Variants in FLNC observed in about 807,000 individuals in gnomAD.
FLNC encodes filamin C.
Under a neutral mutation model 254.3 loss-of-function variants are expected in FLNC, and 91 were observed. The observed-to-expected ratio is 0.36, with a 90% CI of 0.30 to 0.43. The LOEUF is 0.43. Ranked by LOEUF, FLNC falls within the 20% of genes least tolerant of loss-of-function variation. The pLI is 1.00. For synonymous variants in FLNC, 1,430 were observed against 1,577.2 expected (o/e 0.91, Z 2.21); for missense variants, 2,853 against 3,802.6 (o/e 0.75, Z 6.57).
At chr7:128,850,170 G>T (rs890727454) in intron 31 of FLNC, 96 bp downstream of exon 31, 7 of 1,105,852 alleles carry the variant, frequency 6.3e-6, no homozygotes, top group Non-Finnish European at 9.3e-6. Context: ...ACATGGTCTG[G>T]GGGCCTCTTG....
Position 128,857,185 on chromosome 7 carries a change from T to C in FLNC, c.7629T>C (p.Asp2543=), listed in dbSNP as rs1451167404. 2 of 1,614,034 alleles carry C rather than the reference T, an allele frequency of 1.2e-6. No individual in the cohort carries two copies. Among genetic ancestry groups the C allele is most frequent in the East Asian group, 2.2e-5 (1 of 44,894 alleles). Residue 2543 remains aspartate, a synonymous_variant, in exon 46 of 48, where the codon GAT becomes GAC. Transcript: ENST00000325888. The surrounding 1 kb of genome is among the most constrained non-coding windows in gnomAD (Gnocchi z 4.5). ...AGSGALSVTI[D]GPSKVQLDCR... ...CGGGGGCCTTGTCTGTCACCATTGA[T>C]GGCCCCTCCAAGGTGCAGCTGGACT...
intron 23 of FLNC, 63 bp downstream of exon 23, chr7:128,846,526 G>C: frequency 6.3e-7 from 1 of 1,577,320 alleles, no homozygotes; most frequent in African/African-American, 1.3e-5. Context: ...GGCCCTCCTC[G>C]CTCATCCCTC....
rs1489721509 is a variant in FLNC, at chr7:128,847,733, A to G, written c.4325A>G (p.Asp1442Gly). The change falls in exon 25 of 48, where the codon GAC becomes GGC. Residue 1442 changes from aspartate to glycine, a missense_variant. Asp to Gly is a moderately conservative substitution (Grantham distance 94). Around this residue, in one of 10 missense-constraint regions of FLNC, gnomAD observed 1,573 missense variants for 1,883.5 expected, o/e 0.84. Coordinates refer to ENST00000325888, the MANE Select transcript of FLNC (RefSeq NM_001458.5). ...PFRVPVKDVV[D>G]PGKVKCSGPG... is the part of the protein sequence containing the mutation. ...CGCGTGCCAGTGAAGGATGTGGTGG[A>G]CCCTGGGAAGGTGAAGTGCTCAGGG... 2 of 1,614,052 alleles carry G rather than the reference A, an allele frequency of 1.2e-6. No homozygotes were observed. Among genetic ancestry groups the G allele is most frequent in the Admixed American group, 3.3e-5 (2 of 60,012 alleles).
chr7:128,856,975 G>A lies in FLNC; in HGVS notation c.7561+54G>A, dbSNP rs1243484014. Reference sequence around the variant, plus strand: ...GACTTCTGGGGGTGCTTGGCCACTAGTCTGGTGCTGCTTTGCTCCAGAGGT... The same window carrying A: ...GACTTCTGGGGGTGCTTGGCCACTAATCTGGTGCTGCTTTGCTCCAGAGGT... On this transcript the variant is annotated intron_variant, in intron 45 of 47. Transcript: ENST00000325888. This position sits in a 1 kb window ranked among gnomAD's most constrained non-coding sequence, Gnocchi z 5.9. 5.0e-6 allele frequency: 8 copies of A among 1,596,452 alleles called. No individual in the cohort carries two copies. Among genetic ancestry groups the A allele is most frequent in the Non-Finnish European group, 6.9e-6 (8 of 1,165,826 alleles).
intron 1 of FLNC, among the ~76,000 whole-genome samples, chr7:128,831,691 C>T (rs576450759): frequency 2.2e-4 from 34 of 152,326 alleles, no homozygotes; most frequent in African/African-American, 7.7e-4. Flanking sequence ...CCCCAGCCCA[C>T]CCCCTACCGC....
Position 128,858,226 on chromosome 7 carries a change from C to T in FLNC, c.7990+9C>T, listed in dbSNP as rs566679569. ...GGACTGCAGCAAAGCAGGCAGGTGGCGGGGGGAGGGCGTCTCCCGGGGTGT... is the reference window on the plus strand; with the variant it reads ...GGACTGCAGCAAAGCAGGCAGGTGGTGGGGGGAGGGCGTCTCCCGGGGTGT... On this transcript the variant is annotated intron_variant, in intron 47 of 47. Coordinates refer to ENST00000325888, the MANE Select transcript of FLNC (RefSeq NM_001458.5). The surrounding 1 kb of genome is among the most constrained non-coding windows in gnomAD (Gnocchi z 6.7). 3.9e-4 allele frequency: 548 copies of T among 1,413,094 alleles called. 1 individual carries two copies. Among genetic ancestry groups the T allele is most frequent in the Middle Eastern group, 2.1e-3 (10 of 4,872 alleles). The allele number at this position is 1,413,094 out of a possible 1,614,324, so 87.5% of individuals were successfully genotyped here. A position where few individuals can be genotyped will look rare whatever the true frequency, so the allele number is the denominator to read the frequency against.
intron 5 of FLNC, 80 bp downstream of exon 5, chr7:128,837,835 C>A: frequency 7.1e-7 from 1 of 1,412,178 alleles, no homozygotes; most frequent in South Asian, 1.2e-5. Flanking sequence ...AGGAATGGCC[C>A]GGAGGTGACT....
intron 1 of FLNC, among the ~76,000 whole-genome samples, chr7:128,834,105 A>G (rs899029906): frequency 2.6e-5 from 4 of 151,890 alleles, no homozygotes; most frequent in African/African-American, 9.7e-5. Flanking sequence ...GCTCCACTCC[A>G]CCCTCTCCCA....
intron 1 of FLNC, among the ~76,000 whole-genome samples, chr7:128,832,057 A>G (rs1049462991): frequency 4.6e-5 from 7 of 152,204 alleles, no homozygotes; most frequent in African/African-American, 1.4e-4. Flanking sequence ...GGCCCCACAC[A>G]GGATGTTCCC....
In FLNC at chr7:128,840,945, C is replaced by T; in HGVS notation, c.1788C>T (p.Ala596=). The T allele has an allele frequency of 1.2e-6, 2 of 1,604,162 alleles. No homozygotes were observed. Among genetic ancestry groups the T allele is most frequent in the South Asian group, 1.1e-5 (1 of 89,968 alleles). ...AGTCAGCCGATTTTGTGGTGGAAGCCATTGGCACCGAGGTGGGGACACTGG... is the reference window on the plus strand; with the variant it reads ...AGTCAGCCGATTTTGTGGTGGAAGCTATTGGCACCGAGGTGGGGACACTGG... ...VGKSADFVVE[A]IGTEVGTLGF... is the part of the protein sequence containing the mutation. The change falls in exon 11 of 48, where the codon GCC becomes GCT. Residue 596 remains alanine, a synonymous_variant. Coordinates refer to ENST00000325888, the MANE Select transcript of FLNC (RefSeq NM_001458.5).
chr7:128,853,911 G>T (rs1808934142), intron 39 of FLNC, 63 bp from the exon 40 acceptor site: 1 of 1,613,070 alleles, frequency 6.2e-7, no homozygotes, highest in Non-Finnish European at 8.5e-7. Flanking sequence ...CACCTGTCGG[G>T]CCTCCACCCT....
chr7:128,856,581 G>A lies in FLNC; in HGVS notation c.7315G>A (p.Val2439Met), dbSNP rs752667511. 1.2e-5 allele frequency: 20 copies of A among 1,612,644 alleles called. No homozygotes were observed. The highest frequency in any genetic ancestry group is 1.1e-5 in the South Asian group (1 of 91,088). The change falls in exon 44 of 48, where the codon GTG (valine) becomes ATG (methionine). Residue 2439 changes from valine (V) to methionine (M), a missense_variant. By Grantham distance (21) the Val-to-Met change is conservative. Coordinates refer to ENST00000325888, the MANE Select transcript of FLNC (RefSeq NM_001458.5). The surrounding 1 kb of genome is among the most constrained non-coding windows in gnomAD (Gnocchi z 5.9). ...CGTGCAGCTGAACGGTGCCCGGGGC[G>A]TGATTGATGCCCGGGTGCACACACC... ...FAVQLNGARG[V>M]IDARVHTPSG...
rs376413798 is a variant in FLNC at position 128,851,614 on chromosome 7, C to T, written c.5828C>T (p.Thr1943Ile). The change falls in exon 35 of 48, where the codon ACA becomes ATA. Residue 1943 changes from threonine (T) to isoleucine (I), a missense_variant. By Grantham distance (89) the Thr-to-Ile change is moderately conservative (BLOSUM62 -1). Coordinates refer to ENST00000325888, the MANE Select transcript of FLNC (RefSeq NM_001458.5). ...DDKHIPGSPFTAKITGDDSMR... is the reference protein window; with the variant it reads ...DDKHIPGSPFIAKITGDDSMR... ...AAGCACATCCCGGGGAGCCCCTTCACAGCCAAGATCACAGGTGAGGCGGGT... is the reference window on the plus strand; with the variant it reads ...AAGCACATCCCGGGGAGCCCCTTCATAGCCAAGATCACAGGTGAGGCGGGT... 3.9e-5 allele frequency: 63 copies of T among 1,613,804 alleles called. No homozygotes were observed. The highest frequency in any genetic ancestry group is 4.9e-5 in the Non-Finnish European group (58 of 1,180,038).
Position 128,841,048 on chromosome 7 carries a change from C to A in FLNC, c.1813+78C>A. On this transcript the variant is annotated intron_variant, in intron 11 of 47. Transcript: ENST00000325888. This position sits in a 1 kb window ranked among gnomAD's most constrained non-coding sequence, Gnocchi z 4.3. ...GACACTGTGGGTAATGGGTGCAGTG[C>A]GCATGCTGGGGAGCGCTGGGGTGAG... The A allele has an allele frequency of 6.4e-7, 1 of 1,562,768 alleles. No homozygotes were observed. The highest frequency in any genetic ancestry group is 2.3e-5 in the East Asian group (1 of 43,254).
chr7:128,840,413 G>C lies in FLNC; in HGVS notation c.1550-135G>C, dbSNP rs190302391. 463 of 1,189,798 alleles carry C rather than the reference G, an allele frequency of 3.9e-4. 4 individuals carry two copies. The African/African-American group carries it at 5.9e-3, about 15-fold the overall frequency. 73.7% of individuals were successfully genotyped at this position (1,189,798 alleles called of 1,614,324 possible). On this transcript the variant is annotated intron_variant, in intron 9 of 47. Transcript: ENST00000325888. ...AGGGATGACAAGTGTTCCCTGCCCT[G>C]AGTTGCAGCACTGCTCACTACAGCA...
chr7:128,847,698 G>T lies in FLNC; in HGVS notation c.4290G>T (p.Gly1430=). Residue 1430 remains glycine (G), a splice_region_variant and synonymous_variant, in exon 25 of 48, where the codon GGG becomes GGT. Transcript: ENST00000325888. ...GGTCTAATGTCCTTCTCCTCACAGG[G>T]AGCCCGTTCCGCGTGCCAGTGAAGG... ...NITFGGRPIP[G]SPFRVPVKDV... 6.2e-7 allele frequency: 1 copy of T among 1,613,958 alleles called. No homozygotes were observed. Among genetic ancestry groups the T allele is most frequent in the Non-Finnish European group, 8.5e-7 (1 of 1,179,920 alleles).
rs2128935767 is a variant in FLNC, at chr7:128,842,858, C to T, written c.2454C>T (p.Asp818=). The change falls in exon 16 of 48, where the codon GAC becomes GAT. Residue 818 remains aspartate (D), a synonymous_variant. Transcript: ENST00000325888. The surrounding 1 kb of genome is among the most constrained non-coding windows in gnomAD (Gnocchi z 5.4). ...TGGGCCCTGCAGAGGCTGACATTGA[C>T]TTCGACATCATCAAGAATGACAACG... ...GVVGPAEADI[D]FDIIKNDNDT... 6.2e-7 allele frequency: 1 copy of T among 1,614,058 alleles called. No homozygotes were observed. The highest frequency in any genetic ancestry group is 8.5e-7 in the Non-Finnish European group (1 of 1,180,026).
chr7:128,833,161 G>A (rs1490106669), intron 1 of FLNC, among the ~76,000 whole-genome samples: 1 of 152,108 alleles, frequency 6.6e-6, no homozygotes, highest in Non-Finnish European at 1.5e-5. Context: ...GTTGCCCCTC[G>A]TTCCCTCCGA....
intron 9 of FLNC, 140 bp downstream of exon 9, chr7:128,840,300 C>A: frequency 9.2e-7 from 1 of 1,087,866 alleles, no homozygotes. Context: ...GAATCTCAGG[C>A]TCATTGTCTC....
Sources: gnomAD v4.1 joint callset for allele counts (sites outside exome capture counted in the v4.1 genomes callset) on GRCh38, gnomAD v4.1.1 for gene constraint, gnomAD v4.1.1 regional missense constraint, Gnocchi (gnomAD v3.1) non-coding constraint, MANE v1.5 for transcripts, NCBI Gene and HGNC (gene_info 2026-07-23, HGNC 2026-07-21) for gene names.